KAZN: variants seen among roughly 807,000 people sequenced by gnomAD.
KAZN encodes kazrin.
KAZN carries 40 observed loss-of-function variants against 87.4 expected under a neutral mutation model. The ratio of observed to expected loss-of-function variants is 0.46; its 90% CI spans 0.36 to 0.60. The LOEUF (loss-of-function observed/expected upper bound fraction) is 0.60, where lower values mean the gene tolerates loss of function less well. Ranked by LOEUF, KAZN falls within the 20% of genes least tolerant of loss-of-function variation. KAZN has a pLI of 0.00. For missense variants in KAZN, 898 were observed against 1,073.9 expected (o/e 0.84, Z 2.29); for synonymous variants, 466 against 458.3 (o/e 1.02, Z -0.22).
At chr1:14,034,850 C>T (rs150038044) in intron 1 of KAZN, among the ~76,000 whole-genome samples, 36 of 152,280 alleles carry the variant, frequency 2.4e-4, no homozygotes, top group South Asian at 1.0e-3. Context: ...TTTCTTCACT[C>T]GGTAAAGACT....
intron 13 of KAZN, among the ~76,000 whole-genome samples, chr1:15,110,739 C>T (rs1026543624): frequency 1.3e-5 from 2 of 152,350 alleles, no homozygotes; most frequent in East Asian, 1.9e-4. Context: ...GTGGGAAGGC[C>T]GTGGTCTAGA....
intron 2 of KAZN, among the ~76,000 whole-genome samples, chr1:14,454,990 A>T (rs140216069): frequency 6.6e-6 from 1 of 152,314 alleles, no homozygotes; most frequent in African/African-American, 2.4e-5. Context: ...AGAAGCAGGA[A>T]GCCTCCATTC....
chr1:14,613,279 G>A (rs1026158143), intron 1 of KAZN, among the ~76,000 whole-genome samples: 4 of 152,220 alleles, frequency 2.6e-5, no homozygotes, highest in African/African-American at 4.8e-5. Flanking sequence ...GGCTGAGGCC[G>A]GGGATTGTAC....
chr1:14,613,120 C>T (rs1209792339), intron 1 of KAZN, among the ~76,000 whole-genome samples: 2 of 152,132 alleles, frequency 1.3e-5, no homozygotes, highest in Non-Finnish European at 2.9e-5. Flanking sequence ...AGTGTGCGTC[C>T]TAGCCTTTTA....
At chr1:14,193,962 T>C (rs181756169) in intron 2 of KAZN, among the ~76,000 whole-genome samples, 2 of 152,258 alleles carry the variant, frequency 1.3e-5, no homozygotes, top group East Asian at 3.9e-4. Context: ...AATTTGTTGA[T>C]TCCCTATTAT....
At chr1:14,982,953 C>G (rs1441457555) in intron 2 of KAZN, among the ~76,000 whole-genome samples, 3 of 152,232 alleles carry the variant, frequency 2.0e-5, no homozygotes, top group Non-Finnish European at 4.4e-5. Context: ...GCTGGAACCT[C>G]TCCACCTCCT....
intron 2 of KAZN, among the ~76,000 whole-genome samples, chr1:14,423,411 C>A (rs1168393789): frequency 1.3e-5 from 2 of 152,192 alleles, no homozygotes; most frequent in African/African-American, 4.8e-5. Flanking sequence ...GTTTTCAAAT[C>A]TGTTAATGTA....
At chr1:14,350,182 C>T (rs1441205540) in intron 2 of KAZN, among the ~76,000 whole-genome samples, 7 of 151,812 alleles carry the variant, frequency 4.6e-5, no homozygotes, top group Non-Finnish European at 7.4e-5. Context: ...GAAGAACCCC[C>T]AGTCTCCAGG....
chr1:15,079,688 T>A (rs1639909859), intron 8 of KAZN, among the ~76,000 whole-genome samples: 1 of 152,094 alleles, frequency 6.6e-6, no homozygotes, highest in Admixed American at 6.5e-5. Context: ...GGGATCCACC[T>A]TTCAGGGCTG....
intron 2 of KAZN, among the ~76,000 whole-genome samples, chr1:14,322,275 T>G (rs1274068436): frequency 1.4e-5 from 2 of 141,290 alleles, no homozygotes; most frequent in African/African-American, 5.1e-5. Flanking sequence ...AATAAATAAA[T>G]AAAGTAAGTA....
At chr1:14,066,723 G>A (rs1025862812) in intron 1 of KAZN, among the ~76,000 whole-genome samples, 32 of 152,140 alleles carry the variant, frequency 2.1e-4, no homozygotes, top group African/African-American at 7.7e-4. Flanking sequence ...CTACATAGGA[G>A]CTTTATGACT....
chr1:13,895,221 C>T (rs967922077), intron 1 of KAZN, among the ~76,000 whole-genome samples: 1 of 152,114 alleles, frequency 6.6e-6, no homozygotes, highest in African/African-American at 2.4e-5. Flanking sequence ...TTTGGTTTGT[C>T]CAGAAGGTTG....
intron 1 of KAZN, among the ~76,000 whole-genome samples, chr1:14,081,436 T>C (rs1385253601): frequency 6.6e-6 from 1 of 152,154 alleles, no homozygotes; most frequent in Admixed American, 6.5e-5. Context: ...ATGATTTAAA[T>C]CACGAGTATG....
intron 2 of KAZN, among the ~76,000 whole-genome samples, chr1:14,264,726 A>G (rs1239186677): frequency 1.3e-5 from 2 of 152,246 alleles, no homozygotes; most frequent in Middle Eastern, 6.3e-3. Flanking sequence ...ATTCTGTTAC[A>G]ATAACACAAA....
At chr1:14,876,293 A>G (rs1176902610) in intron 1 of KAZN, among the ~76,000 whole-genome samples, 1 of 152,202 alleles carries the variant, frequency 6.6e-6, no homozygotes, top group Non-Finnish European at 1.5e-5. Context: ...AGCTGCGTTT[A>G]TTACATGCGC....
At chr1:15,006,917 C>A (rs972864674) in intron 2 of KAZN, among the ~76,000 whole-genome samples, 5 of 151,956 alleles carry the variant, frequency 3.3e-5, no homozygotes, top group Non-Finnish European at 7.4e-5. Context: ...ACTAGCCGGG[C>A]ATGGTGGCGG....
intron 1 of KAZN, among the ~76,000 whole-genome samples, chr1:14,680,613 G>T (rs1201739323): frequency 6.6e-6 from 1 of 151,978 alleles, no homozygotes; most frequent in East Asian, 1.9e-4. Flanking sequence ...CCCTCCCCTT[G>T]CCTCCCAACT....
intron 1 of KAZN, among the ~76,000 whole-genome samples, chr1:14,644,796 A>G (rs779275781): frequency 1.3e-5 from 2 of 152,174 alleles, no homozygotes; most frequent in Non-Finnish European, 1.5e-5. Flanking sequence ...GCTGTGCAGA[A>G]GCTCTTTAAT....
intron 2 of KAZN, among the ~76,000 whole-genome samples, chr1:14,577,772 C>A (rs916010692): frequency 6.6e-6 from 1 of 152,166 alleles, no homozygotes; most frequent in African/African-American, 2.4e-5. Flanking sequence ...ATTGACAAAG[C>A]TTTTTCACAT....
Sources: allele counts gnomAD v4.1 joint callset (sites outside exome capture counted in the v4.1 genomes callset), GRCh38; gene constraint gnomAD v4.1.1; transcripts MANE v1.5; gene names NCBI Gene and HGNC (gene_info 2026-07-23, HGNC 2026-07-21).